CNTNAP2: variants seen among roughly 807,000 people sequenced by gnomAD.
CNTNAP2 encodes contactin associated protein 2.
A neutral mutation model predicts 155.2 loss-of-function variants in CNTNAP2; 98 were observed. The observed-to-expected ratio is 0.63, with a 90% confidence interval of 0.54 to 0.75. The LOEUF is 0.75. CNTNAP2 is among the 30% of genes least tolerant of loss of function. The probability of loss-of-function intolerance (pLI) is 0.00; values close to 1 mark genes in which losing one functional copy is unlikely to be tolerated. For synonymous variants in CNTNAP2, 651 were observed against 631.2 expected, an observed-to-expected ratio of 1.03 and a Z score of -0.47; for missense variants, 1,727 against 1,688.1, an observed-to-expected ratio of 1.02 and a Z score of -0.40.
intron 10 of CNTNAP2, among the ~76,000 whole-genome samples, chr7:147,459,558 A>G (rs1340718098): frequency 1.3e-5 from 2 of 152,184 alleles, no homozygotes; most frequent in African/African-American, 4.8e-5. Context: ...AAGGTTAGAA[A>G]TGAAGAGGAG....
rs572572753 is a variant in CNTNAP2, at chr7:146,308,421, G to A, written c.97+191448G>A. Among the ~76,000 whole-genome samples the A allele has an allele frequency of 4.4e-3, 677 of 152,226 alleles. 5 individuals are homozygous for A. The highest frequency in any genetic ancestry group is 0.015 in the African/African-American group (638 of 41,542). ...CAACCATTGTGGAAGACAGTGTGGC[G>A]ATTCCTCAGGGATCTAGAACTAGAA... is the stretch of plus-strand genomic sequence containing the variant. On this transcript the variant is annotated intron_variant, in intron 1 of 23. Transcript: ENST00000361727.
At chr7:146,245,976 A>G (rs558577295) in intron 1 of CNTNAP2, among the ~76,000 whole-genome samples, 17 of 143,562 alleles carry the variant, frequency 1.2e-4, no homozygotes, top group South Asian at 1.1e-3. Flanking sequence ...TTGATAAGGC[A>G]TAGATCCTGA....
chr7:146,910,687 A>G (rs1333881046), intron 3 of CNTNAP2, among the ~76,000 whole-genome samples: 2 of 150,478 alleles, frequency 1.3e-5, no homozygotes, highest in African/African-American at 2.5e-5. Flanking sequence ...CGTTAGACCT[A>G]AAACCATAAA....
rs1797104825 is a variant in CNTNAP2, at chr7:147,749,745, A to G, written c.2098+110439A>G. Among the ~76,000 whole-genome samples, 3 of 152,224 alleles carry G rather than the reference A, an allele frequency of 2.0e-5. No homozygotes were observed. In the South Asian group the frequency reaches 6.2e-4, roughly 31 times the overall value. ...TAATTCTGCATTACAAAGCCAAAAG[A>G]GAGAGTCTGTGTTAATGAAGTAAAT... On this transcript the variant is annotated intron_variant, in intron 13 of 23. Coordinates refer to ENST00000361727, the MANE Select transcript of CNTNAP2 (RefSeq NM_014141.6).
At chr7:146,859,332 A>T (rs539151577) in intron 3 of CNTNAP2, among the ~76,000 whole-genome samples, 3 of 152,312 alleles carry the variant, frequency 2.0e-5, no homozygotes, top group Non-Finnish European at 2.9e-5. Flanking sequence ...AAGGAGCTGC[A>T]TATTTTTTAA....
intron 13 of CNTNAP2, among the ~76,000 whole-genome samples, chr7:147,692,911 T>G (rs1195991652): frequency 6.6e-6 from 1 of 152,076 alleles, no homozygotes; most frequent in African/African-American, 2.4e-5. Context: ...AAAAAGCCAT[T>G]CTGACACCAT....
At chr7:148,107,221 G>A (rs1000988362) in intron 15 of CNTNAP2, among the ~76,000 whole-genome samples, 4 of 152,100 alleles carry the variant, frequency 2.6e-5, no homozygotes, top group African/African-American at 7.2e-5. Context: ...GAACAAGCCC[G>A]TTTTACCACA....
intron 3 of CNTNAP2, among the ~76,000 whole-genome samples, chr7:146,881,817 A>T (rs867639695): frequency 1.8e-4 from 19 of 107,558 alleles, no homozygotes; most frequent in Admixed American, 3.0e-4. Flanking sequence ...TTATTTTTCT[A>T]CCTTTTATTT....
chr7:148,118,025 T>G, intron 15 of CNTNAP2, 93 bp from the exon 16 acceptor site: 2 of 1,268,590 alleles, frequency 1.6e-6, no homozygotes, highest in Non-Finnish European at 2.3e-6. Flanking sequence ...CTATTGCTAA[T>G]GGTACTTATT....
chr7:146,888,701 A>G (rs1795717622), intron 3 of CNTNAP2, among the ~76,000 whole-genome samples: 1 of 152,128 alleles, frequency 6.6e-6, no homozygotes, highest in African/African-American at 2.4e-5. Flanking sequence ...ACTTGAGACA[A>G]CATAGATGAT....
At chr7:147,828,236 C>G (rs1272419664) in intron 13 of CNTNAP2, among the ~76,000 whole-genome samples, 4 of 152,148 alleles carry the variant, frequency 2.6e-5, no homozygotes, top group Admixed American at 2.0e-4. Context: ...ACTGCAGAAC[C>G]AGGGCATTGA....
At chr7:146,577,146 T>C (rs911651261) in intron 1 of CNTNAP2, among the ~76,000 whole-genome samples, 1 of 152,164 alleles carries the variant, frequency 6.6e-6, no homozygotes, top group Non-Finnish European at 1.5e-5. Context: ...AAGTGAAGAC[T>C]ATGGAAGGAA....
intron 2 of CNTNAP2, among the ~76,000 whole-genome samples, chr7:146,785,102 C>T (rs936919404): frequency 2.6e-5 from 4 of 151,628 alleles, no homozygotes; most frequent in African/African-American, 9.7e-5. Context: ...TCCTGAGTAG[C>T]TAAGACTATA....
At chr7:147,099,246 A>C (rs1353936192) in intron 4 of CNTNAP2, among the ~76,000 whole-genome samples, 1 of 152,194 alleles carries the variant, frequency 6.6e-6, no homozygotes, top group Non-Finnish European at 1.5e-5. Flanking sequence ...AGCTGGATAA[A>C]GGAAGCAGTT....
intron 19 of CNTNAP2, among the ~76,000 whole-genome samples, chr7:148,229,398 G>T (rs1795918370): frequency 6.6e-6 from 1 of 152,142 alleles, no homozygotes; most frequent in African/African-American, 2.4e-5. Context: ...GGTGGCAGGT[G>T]CCTGTAATGC....
intron 15 of CNTNAP2, among the ~76,000 whole-genome samples, chr7:148,085,119 A>G (rs1803697498): frequency 6.6e-6 from 1 of 152,238 alleles, no homozygotes. Context: ...AGCCATTACT[A>G]AATGTAATAT....
chr7:148,099,724 C>A (rs1804054553), intron 15 of CNTNAP2, among the ~76,000 whole-genome samples: 2 of 151,952 alleles, frequency 1.3e-5, no homozygotes, highest in South Asian at 4.2e-4. Flanking sequence ...TGAGGAGCAT[C>A]AAAAACCAGT....
At chr7:146,124,410 ACTGT>A (rs1226305149) in intron 1 of CNTNAP2, among the ~76,000 whole-genome samples, 1 of 152,098 alleles carries the variant, frequency 6.6e-6, no homozygotes, top group Non-Finnish European at 1.5e-5. Flanking sequence ...ATAAGTACAG[ACTGT>A]CTATATATAT....
At chr7:148,182,275 T>C (rs907736537) in intron 18 of CNTNAP2, among the ~76,000 whole-genome samples, 1 of 146,610 alleles carries the variant, frequency 6.8e-6, no homozygotes, top group African/African-American at 2.5e-5. Context: ...TTTCTTTTCT[T>C]TTCTTTTGTG....
Sources: allele counts gnomAD v4.1 joint callset (sites outside exome capture counted in the v4.1 genomes callset), GRCh38; gene constraint gnomAD v4.1.1; transcripts MANE v1.5; gene names NCBI Gene and HGNC (gene_info 2026-07-23, HGNC 2026-07-21).